Variants in VEGFC observed in about 807,000 individuals in gnomAD.
VEGFC encodes the protein FLT4 ligand DHM.
A neutral mutation model predicts 46.1 loss-of-function variants in VEGFC; 12 were observed. The ratio of observed to expected loss-of-function variants is 0.26; its 90% confidence interval spans 0.17 to 0.42. VEGFC has a LOEUF of 0.42. VEGFC is among the 10% of genes least tolerant of loss of function. The probability of loss-of-function intolerance (pLI) is 1.00; values close to 1 mark genes in which losing one functional copy is unlikely to be tolerated. For missense variants in VEGFC, 488 were observed against 529.4 expected (o/e 0.92, Z 0.77); for synonymous variants, 232 against 195.5 (o/e 1.19, Z -1.56).
chr4:176,684,056 A>G lies in VEGFC; in HGVS notation c.1146-16T>C. The stretch of plus-strand genomic sequence containing the variant: ...TCTGTAACAGCTAGGAGAACAAACA[A>G]GAACACACTTACGTTAAAGATCAAG... On this transcript the variant is annotated splice_polypyrimidine_tract_variant and intron_variant, in intron 6 of 6. Coordinates refer to ENST00000618562, the MANE Select transcript of VEGFC (RefSeq NM_005429.5). 3.8e-6 allele frequency: 6 copies of G among 1,586,970 alleles called. No individual in the cohort carries two copies. Among genetic ancestry groups the G allele is most frequent in the Non-Finnish European group, 5.2e-6 (6 of 1,155,318 alleles).
intron 4 of VEGFC, among the ~76,000 whole-genome samples, chr4:176,697,073 G>A (rs1734329374): frequency 6.6e-6 from 1 of 151,794 alleles, no homozygotes; most frequent in African/African-American, 2.4e-5. Flanking sequence ...CATAGGCATG[G>A]GCAAGGACTT....
intron 1 of VEGFC, among the ~76,000 whole-genome samples, chr4:176,762,032 G>C (rs1182515776): frequency 1.3e-5 from 2 of 152,194 alleles, no homozygotes; most frequent in African/African-American, 2.4e-5. Flanking sequence ...GTGGAAATCT[G>C]TTTCACCCCA....
At chr4:176,722,690 G>C (rs779193305) in intron 3 of VEGFC, among the ~76,000 whole-genome samples, 2 of 151,932 alleles carry the variant, frequency 1.3e-5, no homozygotes, top group Non-Finnish European at 2.9e-5. Context: ...TGGGGAGACA[G>C]GGTTTCACTA....
Position 176,792,511 on chromosome 4 carries a change from T to G in VEGFC, c.-200A>C. 2.5e-6 allele frequency: 1 copy of G among 404,712 alleles called. No homozygotes were observed. Among genetic ancestry groups the G allele is most frequent in the Non-Finnish European group, 4.3e-6 (1 of 231,866 alleles). 25.1% of individuals were successfully genotyped at this position (404,712 alleles called of 1,614,324 possible). ...CTTTGCAGGGCGCCCTCCCAGCCAG[T>G]GCCGGGGAAAGGCGGCGGGTGTCAG... On this transcript the variant is annotated 5_prime_UTR_variant, in exon 1 of 7. Coordinates refer to ENST00000618562, the MANE Select transcript of VEGFC (RefSeq NM_005429.5). This position sits in a 1 kb window ranked among gnomAD's most constrained non-coding sequence, Gnocchi z 6.3.
chr4:176,789,418 G>T (rs1287589346), intron 1 of VEGFC, among the ~76,000 whole-genome samples: 1 of 152,178 alleles, frequency 6.6e-6, no homozygotes, highest in East Asian at 1.9e-4. Flanking sequence ...CTATAATGGA[G>T]TGGAAATCAA....
rs547490304 is a variant in VEGFC at position 176,772,631 on chromosome 4, G to C, written c.147+19534C>G. On this transcript the variant is annotated intron_variant, in intron 1 of 6. Coordinates refer to ENST00000618562, the MANE Select transcript of VEGFC (RefSeq NM_005429.5). ...AATCCCCAATGCAAAAGCATTGAAAGGTGGGACCTTCAGAAGGTGATTAGG... is the reference window on the plus strand; with the variant it reads ...AATCCCCAATGCAAAAGCATTGAAACGTGGGACCTTCAGAAGGTGATTAGG... 5.3e-5 allele frequency among the ~76,000 whole-genome samples: 8 copies of C among 152,314 alleles called. No homozygotes were observed. The South Asian group carries it at 1.2e-3, about 24-fold the overall frequency.
intron 1 of VEGFC, among the ~76,000 whole-genome samples, chr4:176,775,325 G>C (rs952852031): frequency 6.6e-6 from 1 of 152,032 alleles, no homozygotes; most frequent in Non-Finnish European, 1.5e-5. Flanking sequence ...ATTTAAACAA[G>C]ATTATATTTC....
At chr4:176,716,930 T>C (rs1734710754) in intron 3 of VEGFC, among the ~76,000 whole-genome samples, 1 of 152,228 alleles carries the variant, frequency 6.6e-6, no homozygotes, top group African/African-American at 2.4e-5. Context: ...TTTTCTGTTC[T>C]ACATTTAAGT....
intron 4 of VEGFC, among the ~76,000 whole-genome samples, chr4:176,697,451 C>G (rs552208750): frequency 2.6e-5 from 4 of 152,136 alleles, no homozygotes; most frequent in Non-Finnish European, 5.9e-5. Flanking sequence ...TCTCACACCA[C>G]GTAGAATGGC....
At chr4:176,752,580 A>G (rs1413645758) in intron 1 of VEGFC, among the ~76,000 whole-genome samples, 1 of 152,122 alleles carries the variant, frequency 6.6e-6, no homozygotes, top group Non-Finnish European at 1.5e-5. Context: ...TCTTTAGTCA[A>G]TTCAGTAGTG....
intron 4 of VEGFC, among the ~76,000 whole-genome samples, chr4:176,699,362 G>T (rs1734384464): frequency 6.6e-6 from 1 of 152,164 alleles, no homozygotes; most frequent in Admixed American, 6.5e-5. Flanking sequence ...CCCCATTAAA[G>T]AAACAAATAA....
intron 4 of VEGFC, among the ~76,000 whole-genome samples, chr4:176,699,825 T>C (rs1307216029): frequency 6.6e-6 from 1 of 152,230 alleles, no homozygotes; most frequent in Non-Finnish European, 1.5e-5. Context: ...TTTTAGGTTT[T>C]ATATAAATTG....
chr4:176,754,263 T>G (rs932019677), intron 1 of VEGFC, among the ~76,000 whole-genome samples: 5 of 151,752 alleles, frequency 3.3e-5, no homozygotes, highest in Non-Finnish European at 5.9e-5. Flanking sequence ...TGACTTTACC[T>G]CTGTGTTTAT....
At chr4:176,751,730 C>T (rs193230695) in intron 1 of VEGFC, among the ~76,000 whole-genome samples, 135 of 151,186 alleles carry the variant, frequency 8.9e-4, no homozygotes, top group Non-Finnish European at 1.1e-3. Context: ...TATGTGTAAA[C>T]GTAAAAAAAA....
At chr4:176,731,806 A>C (rs1181247126) in intron 1 of VEGFC, among the ~76,000 whole-genome samples, 1 of 152,052 alleles carries the variant, frequency 6.6e-6, no homozygotes, top group Non-Finnish European at 1.5e-5. Context: ...TGGTAGACAG[A>C]GACTTTCAAT....
chr4:176,789,107 T>C (rs1342294849), intron 1 of VEGFC, among the ~76,000 whole-genome samples: 2 of 152,208 alleles, frequency 1.3e-5, no homozygotes, highest in African/African-American at 4.8e-5. Context: ...CGCCAGTTCC[T>C]CTGTTGGTGA....
intron 1 of VEGFC, among the ~76,000 whole-genome samples, chr4:176,748,234 ATTACT>A (rs1735288953): frequency 6.6e-6 from 1 of 152,098 alleles, no homozygotes; most frequent in Admixed American, 6.6e-5. Context: ...GTGAAGAATG[ATTACT>A]TTACCATAAT....
At chr4:176,763,257 G>C (rs1735561681) in intron 1 of VEGFC, among the ~76,000 whole-genome samples, 1 of 152,082 alleles carries the variant, frequency 6.6e-6, no homozygotes, top group African/African-American at 2.4e-5. Context: ...AGGACCAAAA[G>C]TGAAAGATCA....
chr4:176,712,659 A>G (rs916553844), intron 3 of VEGFC, among the ~76,000 whole-genome samples: 2 of 152,264 alleles, frequency 1.3e-5, no homozygotes, highest in East Asian at 1.9e-4. Context: ...ACAAACTTCA[A>G]AGCATTGTGA....
Sources: allele counts gnomAD v4.1 joint callset (sites outside exome capture counted in the v4.1 genomes callset), GRCh38; gene constraint gnomAD v4.1.1; non-coding constraint Gnocchi (gnomAD v3.1); transcripts MANE v1.5; gene names NCBI Gene and HGNC (gene_info 2026-07-23, HGNC 2026-07-21).